SIM1: variants seen among roughly 807,000 people sequenced by gnomAD.
SIM1 encodes the protein SIM bHLH transcription factor 1, also known as single-minded homolog 1.
A neutral mutation model predicts 78.2 loss-of-function variants in SIM1; 18 were observed. The observed-to-expected ratio is 0.23, with a 90% CI of 0.16 to 0.34. The LOEUF is 0.34. SIM1 is among the 10% of genes least tolerant of loss of function. The probability of loss-of-function intolerance (pLI) is 1.00; values close to 1 mark genes in which losing one functional copy is unlikely to be tolerated. For missense variants in SIM1, 939 were observed against 975.1 expected, an observed-to-expected ratio of 0.96 and a Z score of 0.49; for synonymous variants, 417 against 385.2, an observed-to-expected ratio of 1.08 and a Z score of -0.97.
intron 11 of SIM1, among the ~76,000 whole-genome samples, chr6:100,392,166 C>G (rs770659761): frequency 3.9e-5 from 6 of 152,266 alleles, no homozygotes; most frequent in Admixed American, 2.6e-4. Flanking sequence ...AAGAGCGAAA[C>G]TCTGTCTCAA....
chr6:100,398,810 T>A (rs1770832248), intron 10 of SIM1, among the ~76,000 whole-genome samples: 1 of 152,256 alleles, frequency 6.6e-6, no homozygotes, highest in Non-Finnish European at 1.5e-5. Context: ...CATCATATGA[T>A]AATTCTATTT....
At chr6:100,457,727 C>T (rs1039744327) in intron 2 of SIM1, among the ~76,000 whole-genome samples, 12 of 152,242 alleles carry the variant, frequency 7.9e-5, no homozygotes, top group Admixed American at 3.3e-4. Flanking sequence ...AAGGCGCACC[C>T]GACCCCACCT....
intron 3 of SIM1, among the ~76,000 whole-genome samples, chr6:100,451,439 T>C (rs1353311886): frequency 2.0e-5 from 3 of 152,180 alleles, no homozygotes; most frequent in Non-Finnish European, 4.4e-5. Context: ...GAGCTTGAAA[T>C]GTCAATTTGA....
At chr6:100,401,706 C>T (rs1244479869) in intron 10 of SIM1, among the ~76,000 whole-genome samples, 1 of 152,094 alleles carries the variant, frequency 6.6e-6, no homozygotes, top group Non-Finnish European at 1.5e-5. Context: ...AGTATGTAAT[C>T]ATTTTAAAAT....
At position 100,391,014 on chromosome 6, in the gene SIM1, G is replaced by T; in HGVS notation, c.1648C>A (p.Arg550Ser). The T allele has an allele frequency of 6.2e-7, 1 of 1,614,058 alleles. No homozygotes were observed. The highest frequency in any genetic ancestry group is 8.5e-7 in the Non-Finnish European group (1 of 1,179,998). ...GGGCTACTTTGATACTGCTCAGTAC[G>T]ATATCGGTCACCTGATTCACTGGCC... Reference protein sequence around the residue: ...GSASESGDRYRTEQYQSSPHE... With the variant: ...GSASESGDRYSTEQYQSSPHE... The change falls in exon 12 of 12, where the codon CGT becomes AGT. Residue 550 changes from arginine to serine, a missense_variant. Coordinates refer to ENST00000369208, the MANE Select transcript of SIM1 (RefSeq NM_005068.3).
chr6:100,403,899 G>T (rs1259836524), intron 10 of SIM1, among the ~76,000 whole-genome samples: 1 of 152,126 alleles, frequency 6.6e-6, no homozygotes, highest in Admixed American at 6.5e-5. Flanking sequence ...TTCAAAAAAT[G>T]TTTTTGCCCA....
chr6:100,417,213 G>A (rs577663116), intron 10 of SIM1, among the ~76,000 whole-genome samples: 11 of 152,112 alleles, frequency 7.2e-5, no homozygotes, highest in South Asian at 4.2e-4. Flanking sequence ...TACCCTCGAC[G>A]CTAGGTCTTT....
intron 9 of SIM1, among the ~76,000 whole-genome samples, chr6:100,437,811 A>G (rs1772096415): frequency 6.6e-6 from 1 of 152,202 alleles, no homozygotes; most frequent in South Asian, 2.1e-4. Context: ...AAAGAGCACA[A>G]AGCTTGGAGG....
At chr6:100,428,666 C>T (rs971481648) in intron 9 of SIM1, among the ~76,000 whole-genome samples, 4 of 151,904 alleles carry the variant, frequency 2.6e-5, no homozygotes, top group African/African-American at 2.4e-5. Flanking sequence ...CACTAGTCCC[C>T]GCCTTATCCG....
chr6:100,404,759 T>G (rs1771013431), intron 10 of SIM1, among the ~76,000 whole-genome samples: 2 of 152,096 alleles, frequency 1.3e-5, no homozygotes, highest in South Asian at 4.1e-4. Flanking sequence ...TGCCAGGAGT[T>G]TTCTCAAGGA....
intron 10 of SIM1, among the ~76,000 whole-genome samples, chr6:100,419,386 C>T (rs1291129942): frequency 6.6e-6 from 1 of 152,134 alleles, no homozygotes; most frequent in Admixed American, 6.5e-5. Context: ...ATGTTGTGCT[C>T]ATCTTCATAC....
intron 2 of SIM1, among the ~76,000 whole-genome samples, chr6:100,458,833 G>A (rs1380712968): frequency 6.6e-6 from 1 of 152,258 alleles, no homozygotes; most frequent in Non-Finnish European, 1.5e-5. Flanking sequence ...CTCTGCAGTG[G>A]ACACTGTTTT....
chr6:100,393,811 A>C lies in SIM1; in HGVS notation c.1246T>G (p.Ser416Ala). Reference protein sequence around the residue: ...WGGSPLTDTASPQLLDPADRP... With the variant: ...WGGSPLTDTAAPQLLDPADRP... ...TCGGCGGGGTCCAGAAGCTGCGGAG[A>C]GGCCGTGTCGGTCAAGGGACTTCCG... Residue 416 changes from serine (S) to alanine (A), a missense_variant, in exon 11 of 12, where the codon TCT (serine) becomes GCT (alanine). By Grantham distance (99) the Ser-to-Ala change is moderately conservative. Transcript: ENST00000369208. The C allele has an allele frequency of 3.1e-6, 5 of 1,613,072 alleles. No homozygotes were observed. The highest frequency in any genetic ancestry group is 4.2e-6 in the Non-Finnish European group (5 of 1,179,420).
At chr6:100,455,077 T>A (rs1260321817) in intron 2 of SIM1, among the ~76,000 whole-genome samples, 1 of 152,114 alleles carries the variant, frequency 6.6e-6, no homozygotes, top group Non-Finnish European at 1.5e-5. Context: ...TGGGGGCAGA[T>A]CTTTCAAAAT....
chr6:100,394,231 G>A (rs578096020), intron 10 of SIM1, among the ~76,000 whole-genome samples: 1 of 152,330 alleles, frequency 6.6e-6, no homozygotes, highest in East Asian at 1.9e-4. Context: ...GGCGCTATTA[G>A]TATCCCCAGT....
chr6:100,394,600 T>G (rs1770725652), intron 10 of SIM1, among the ~76,000 whole-genome samples: 1 of 152,144 alleles, frequency 6.6e-6, no homozygotes, highest in Admixed American at 6.5e-5. Flanking sequence ...AGACAGGGTC[T>G]TACTTTGTTG....
chr6:100,448,876 T>C (rs990394419), intron 6 of SIM1, among the ~76,000 whole-genome samples, 198 bp from the exon 7 acceptor site: 2 of 152,170 alleles, frequency 1.3e-5, no homozygotes, highest in Admixed American at 6.5e-5. Context: ...TGAACTCACC[T>C]GGGAGCGCGT....
At chr6:100,407,890 C>G (rs1386917313) in intron 10 of SIM1, among the ~76,000 whole-genome samples, 1 of 151,952 alleles carries the variant, frequency 6.6e-6, no homozygotes, top group Non-Finnish European at 1.5e-5. Flanking sequence ...ATTAACTCTT[C>G]ATCAGATATA....
chr6:100,398,913 A>T (rs560952543), intron 10 of SIM1, among the ~76,000 whole-genome samples: 1 of 150,542 alleles, frequency 6.6e-6, no homozygotes, highest in South Asian at 2.1e-4. Context: ...ATGTATCTAC[A>T]TCCTCACCAA....
Sources: allele counts gnomAD v4.1 joint callset (sites outside exome capture counted in the v4.1 genomes callset), GRCh38; gene constraint gnomAD v4.1.1; transcripts MANE v1.5; gene names NCBI Gene and HGNC (gene_info 2026-07-23, HGNC 2026-07-21).